HCN1: variants seen among roughly 807,000 people sequenced by gnomAD.
HCN1 encodes the protein potassium/sodium hyperpolarization-activated cyclic nucleotide-gated channel 1.
A neutral mutation model predicts 78.9 loss-of-function variants in HCN1; 13 were observed. The observed-to-expected ratio is 0.16, with a 90% CI of 0.11 to 0.26. The LOEUF (loss-of-function observed/expected upper bound fraction) is 0.26, where lower values mean the gene tolerates loss of function less well. Among genes scored for constraint, HCN1 ranks in the 10% least tolerant of loss-of-function variants. HCN1 has a pLI of 1.00. For missense variants in HCN1, 810 were observed against 1,154.3 expected (o/e 0.70, Z 4.32); for synonymous variants, 552 against 455.5 (o/e 1.21, Z -2.70).
chr5:45,521,001 G>GT (rs1047189910), intron 2 of HCN1, among the ~76,000 whole-genome samples: 5 of 148,430 alleles, frequency 3.4e-5, no homozygotes, highest in East Asian at 2.0e-4. Context: ...TTTTTTTTTT[G>GT]TTTTTTTGGC....
intron 4 of HCN1, among the ~76,000 whole-genome samples, chr5:45,354,636 T>A (rs1457462690): frequency 6.6e-6 from 1 of 152,126 alleles, no homozygotes; most frequent in African/African-American, 2.4e-5. Flanking sequence ...TGCAAAAAAA[T>A]TATATTGTTT....
intron 3 of HCN1, among the ~76,000 whole-genome samples, chr5:45,439,895 T>C (rs1740637935): frequency 6.6e-6 from 1 of 150,416 alleles, no homozygotes; most frequent in African/African-American, 2.4e-5. Context: ...AAATATTATA[T>C]AGAATAGTAC....
chr5:45,506,087 TAGATA>T (rs1742289918), intron 2 of HCN1, among the ~76,000 whole-genome samples: 1 of 152,186 alleles, frequency 6.6e-6, no homozygotes, highest in Non-Finnish European at 1.5e-5. Context: ...TTCTTTATAT[TAGATA>T]AATGATAACT....
chr5:45,691,761 A>G (rs1739917151), intron 1 of HCN1, among the ~76,000 whole-genome samples: 1 of 152,168 alleles, frequency 6.6e-6, no homozygotes, highest in African/African-American at 2.4e-5. Context: ...TGTTCTCTCT[A>G]TTATGAACTG....
Position 45,303,831 on chromosome 5 carries a change from G to T in HCN1, c.1386C>A (p.Val462=). The T allele has an allele frequency of 1.9e-6, 3 of 1,612,662 alleles. No homozygotes were observed. Among genetic ancestry groups the T allele is most frequent in the South Asian group, 2.2e-5 (2 of 91,016 alleles). The change falls in exon 6 of 8, where the codon GTC becomes GTA. Residue 462 remains valine (V), a synonymous_variant. Coordinates refer to ENST00000303230, the MANE Select transcript of HCN1 (RefSeq NM_021072.4). ...ELNDPLREEI[V]NFNCRKLVAT... ...CCACCAGTTTCCGACAGTTGAAGTT[G>T]ACTATCTCCTAAAGATGTCAAGAGT...
intron 2 of HCN1, among the ~76,000 whole-genome samples, chr5:45,581,111 A>G (rs1744062234): frequency 6.6e-6 from 1 of 152,236 alleles, no homozygotes; most frequent in Non-Finnish European, 1.5e-5. Context: ...AGCAATCGCC[A>G]CACTGACTTC....
Position 45,346,041 on chromosome 5 carries a change from C to T in HCN1, c.1377+7059G>A, listed in dbSNP as rs529347335. Among the ~76,000 whole-genome samples, 17 of 152,330 alleles carry T rather than the reference C, an allele frequency of 1.1e-4. No homozygotes were observed. The South Asian group carries it at 2.7e-3, about 24-fold the overall frequency. ...CAGAAGGGGAAGCAAACACGTCCTT[C>T]TTTGCTTGGTGGCAGAAAGAAGAAG... On this transcript the variant is annotated intron_variant, in intron 5 of 7. Coordinates refer to ENST00000303230, the MANE Select transcript of HCN1 (RefSeq NM_021072.4).
chr5:45,504,665 G>A (rs1206632950), intron 2 of HCN1, among the ~76,000 whole-genome samples: 3 of 152,112 alleles, frequency 2.0e-5, no homozygotes, highest in African/African-American at 4.8e-5. Context: ...GATCCTTGAG[G>A]AATCACCACA....
At chr5:45,449,774 A>G (rs769576072) in intron 3 of HCN1, among the ~76,000 whole-genome samples, 34 of 152,278 alleles carry the variant, frequency 2.2e-4, no homozygotes, top group Admixed American at 5.9e-4. Context: ...GATTTCCTTT[A>G]GAATATGTAT....
chr5:45,340,663 C>T (rs1746559104), intron 5 of HCN1, among the ~76,000 whole-genome samples: 1 of 151,272 alleles, frequency 6.6e-6, no homozygotes. Flanking sequence ...TTTTTTTAAA[C>T]AACTGATACC....
intron 2 of HCN1, among the ~76,000 whole-genome samples, chr5:45,467,228 T>C (rs1244963290): frequency 6.6e-6 from 1 of 152,114 alleles, no homozygotes; most frequent in Non-Finnish European, 1.5e-5. Context: ...ACGCAACTTC[T>C]CTGGTAGCTT....
intron 2 of HCN1, among the ~76,000 whole-genome samples, chr5:45,548,155 A>G (rs1306812836): frequency 1.3e-5 from 2 of 151,950 alleles, no homozygotes; most frequent in Non-Finnish European, 2.9e-5. Flanking sequence ...AGAATTGCCT[A>G]GGTTTTATTA....
At chr5:45,550,054 T>C (rs1016732141) in intron 2 of HCN1, among the ~76,000 whole-genome samples, 6 of 151,946 alleles carry the variant, frequency 3.9e-5, no homozygotes, top group Non-Finnish European at 1.5e-5. Flanking sequence ...TTGGTGGGAC[T>C]GTAAACTAGT....
intron 1 of HCN1, among the ~76,000 whole-genome samples, chr5:45,682,259 A>G (rs1739715588): frequency 1.6e-5 from 2 of 124,928 alleles, no homozygotes; most frequent in Admixed American, 8.4e-5. Flanking sequence ...AAGATATCAT[A>G]TATATATATA....
At chr5:45,565,445 G>C (rs551483925) in intron 2 of HCN1, among the ~76,000 whole-genome samples, 10 of 152,236 alleles carry the variant, frequency 6.6e-5, no homozygotes, top group African/African-American at 2.2e-4. Context: ...TATTTTAATG[G>C]AAAAGGCTGT....
At chr5:45,468,204 A>G (rs1741317015) in intron 2 of HCN1, among the ~76,000 whole-genome samples, 1 of 152,150 alleles carries the variant, frequency 6.6e-6, no homozygotes, top group Non-Finnish European at 1.5e-5. Context: ...TTGAAGTGGC[A>G]CAGATATGAT....
At chr5:45,658,145 C>T (rs866895830) in intron 1 of HCN1, among the ~76,000 whole-genome samples, 28 of 152,218 alleles carry the variant, frequency 1.8e-4, no homozygotes, top group African/African-American at 6.5e-4. Flanking sequence ...GGAAAGGATT[C>T]CTTATTTAAT....
intron 5 of HCN1, among the ~76,000 whole-genome samples, chr5:45,328,245 A>G (rs1352016174): frequency 2.0e-5 from 3 of 151,086 alleles, no homozygotes; most frequent in Non-Finnish European, 4.4e-5. Flanking sequence ...GCGGTGCCAC[A>G]GCAAAACTAG....
At chr5:45,355,074 A>G (rs1746982066) in intron 4 of HCN1, among the ~76,000 whole-genome samples, 2 of 151,986 alleles carry the variant, frequency 1.3e-5, no homozygotes, top group Admixed American at 6.6e-5. Context: ...GGTTGATTGA[A>G]TCTAATTGTT....
Sources: allele counts gnomAD v4.1 joint callset (sites outside exome capture counted in the v4.1 genomes callset), GRCh38; gene constraint gnomAD v4.1.1; transcripts MANE v1.5; gene names NCBI Gene and HGNC (gene_info 2026-07-23, HGNC 2026-07-21).